The following SLIT1 variants were observed in gnomAD, a reference collection of about 807,000 sequenced individuals.
SLIT1 encodes the protein slit homolog 1 protein.
SLIT1 carries 66 observed loss-of-function variants against 186.1 expected under a neutral mutation model. The ratio of observed to expected loss-of-function variants is 0.35; its 90% confidence interval spans 0.29 to 0.44. SLIT1 has a LOEUF of 0.44. Ranked by LOEUF, SLIT1 falls within the 20% of genes least tolerant of loss-of-function variation. The pLI, the probability that SLIT1 is intolerant of heterozygous loss-of-function variation, is 1.00. For missense variants in SLIT1, 1,638 were observed against 2,037.4 expected (o/e 0.80, Z 3.77); for synonymous variants, 761 against 833.8 (o/e 0.91, Z 1.50).
intron 4 of SLIT1, among the ~76,000 whole-genome samples, chr10:97,070,633 A>T (rs750556785): frequency 6.6e-6 from 1 of 152,164 alleles, no homozygotes; most frequent in Non-Finnish European, 1.5e-5. Flanking sequence ...TGCCCTTATG[A>T]AAGAGACCGC....
At chr10:97,037,790 T>A in intron 21 of SLIT1, 24 bp from the exon 22 acceptor site, 1 of 1,588,004 alleles carries the variant, frequency 6.3e-7, no homozygotes, top group South Asian at 1.1e-5. Flanking sequence ...ACAGCGGCGT[T>A]AGTGCCCATC....
chr10:97,122,699 C>T (rs184830048), intron 4 of SLIT1, among the ~76,000 whole-genome samples: 4 of 152,290 alleles, frequency 2.6e-5, no homozygotes, highest in Admixed American at 2.6e-4. Flanking sequence ...AGCATCAGGG[C>T]AGCCCTTGTA....
At chr10:97,122,584 G>A (rs1849569141) in intron 4 of SLIT1, among the ~76,000 whole-genome samples, 1 of 152,190 alleles carries the variant, frequency 6.6e-6, no homozygotes, top group African/African-American at 2.4e-5. Flanking sequence ...TGTTACACAA[G>A]TGCATGTGCA....
intron 4 of SLIT1, among the ~76,000 whole-genome samples, chr10:97,129,579 T>C (rs1849634880): frequency 6.6e-6 from 1 of 152,134 alleles, no homozygotes; most frequent in Non-Finnish European, 1.5e-5. Context: ...GAATCGAAAC[T>C]GCAGAATGGC....
intron 4 of SLIT1, among the ~76,000 whole-genome samples, chr10:97,083,061 G>A (rs1849121420): frequency 6.6e-6 from 1 of 151,990 alleles, no homozygotes; most frequent in African/African-American, 2.4e-5. Context: ...CTAGGACTCT[G>A]GGCACACCCC....
chr10:97,158,717 A>G (rs1215865531), intron 3 of SLIT1, among the ~76,000 whole-genome samples: 3 of 150,814 alleles, frequency 2.0e-5, no homozygotes, highest in African/African-American at 7.3e-5. Flanking sequence ...TTTATCATTA[A>G]TAAAAATGCA....
At chr10:97,176,696 A>C (rs1399625163) in intron 1 of SLIT1, among the ~76,000 whole-genome samples, 45 of 151,970 alleles carry the variant, frequency 3.0e-4, no homozygotes, top group East Asian at 3.9e-4. Context: ...CACACTGCTA[A>C]CCCTCCTCCT....
intron 32 of SLIT1, among the ~76,000 whole-genome samples, chr10:97,005,273 A>G (rs1057501692): frequency 1.3e-5 from 2 of 152,236 alleles, no homozygotes; most frequent in Non-Finnish European, 2.9e-5. Flanking sequence ...ATCCAAGCCT[A>G]GTGGAAGGAG....
rs887272343 is a variant in SLIT1, at chr10:97,136,816, C to T, written c.413+21002G>A. Reference sequence around the variant, plus strand: ...ATGAGACATGCCTGGGGGCAGTGGCCGGGTCACCAGGAACACCTCTCAACC... The same window carrying T: ...ATGAGACATGCCTGGGGGCAGTGGCTGGGTCACCAGGAACACCTCTCAACC... On this transcript the variant is annotated intron_variant, in intron 4 of 36. Transcript: ENST00000266058. 7.9e-5 allele frequency among the ~76,000 whole-genome samples: 12 copies of T among 152,280 alleles called. No homozygotes were observed. The South Asian group carries it at 2.3e-3, about 29-fold the overall frequency.
intron 4 of SLIT1, among the ~76,000 whole-genome samples, chr10:97,117,376 G>A (rs1222543076): frequency 6.6e-6 from 1 of 152,120 alleles, no homozygotes; most frequent in Admixed American, 6.5e-5. Context: ...TAACTTATTT[G>A]CTTGGAAAAT....
intron 5 of SLIT1, 122 bp downstream of exon 5, chr10:97,065,893 G>A: frequency 1.4e-6 from 1 of 710,862 alleles, no homozygotes; most frequent in Non-Finnish European, 2.5e-6. Context: ...CCAGCCCTCT[G>A]AGAGCCCAGG....
At chr10:97,025,329 A>C (rs990698186) in intron 25 of SLIT1, among the ~76,000 whole-genome samples, 1 of 152,172 alleles carries the variant, frequency 6.6e-6, no homozygotes, top group Non-Finnish European at 1.5e-5. Context: ...AACAAAAAAT[A>C]TGGGTACAAA....
rs946976685 is a variant in SLIT1 at position 97,022,799 on chromosome 10, G to C, written c.2583-1386C>G. Reference sequence around the variant, plus strand: ...AGTCACAGGGTCACCATGCTCAGGCGTGTAGCCTTCCAGGCCTTTCCCACA... The same window carrying C: ...AGTCACAGGGTCACCATGCTCAGGCCTGTAGCCTTCCAGGCCTTTCCCACA... On this transcript the variant is annotated intron_variant, in intron 25 of 36. Transcript: ENST00000266058. This position sits in a 1 kb window ranked among gnomAD's most constrained non-coding sequence, Gnocchi z 4.2. 5.3e-5 allele frequency among the ~76,000 whole-genome samples: 8 copies of C among 152,216 alleles called. No homozygotes were observed. Among genetic ancestry groups the C allele is most frequent in the Non-Finnish European group, 1.0e-4 (7 of 68,042 alleles).
intron 5 of SLIT1, chr10:97,065,765 C>A (rs1848938922): frequency 2.2e-6 from 1 of 462,912 alleles, no homozygotes; most frequent in Non-Finnish European, 4.0e-6. Context: ...TGATAACACG[C>A]TTCACCAGGT....
rs192611065 is a variant in SLIT1, at chr10:97,168,672, A to G, written c.198-3782T>C. 1.8e-4 allele frequency among the ~76,000 whole-genome samples: 27 copies of G among 152,362 alleles called. 1 individual carries two copies. Among genetic ancestry groups the G allele is most frequent in the Admixed American group, 1.5e-3 (23 of 15,298 alleles). On this transcript the variant is annotated intron_variant, in intron 1 of 36. Coordinates refer to ENST00000266058, the MANE Select transcript of SLIT1 (RefSeq NM_003061.3). ...CCCTGGGCTGTTTAGATATTGTCCA[A>G]TTATAAACAATATTGCATAAAGTTT... is the stretch of plus-strand genomic sequence containing the variant.
chr10:97,080,079 A>T (rs535185113), intron 4 of SLIT1, among the ~76,000 whole-genome samples: 1 of 152,358 alleles, frequency 6.6e-6, no homozygotes, highest in Non-Finnish European at 1.5e-5. Context: ...AGAAATATCA[A>T]ACAAAAGAGA....
rs961168406 is a variant in SLIT1 at position 96,998,493 on chromosome 10, G to A, written c.*2619C>T. The A allele has an allele frequency of 2.0e-5, 3 of 152,206 alleles. No individual in the cohort carries two copies. Among genetic ancestry groups the A allele is most frequent in the Non-Finnish European group, 4.4e-5 (3 of 68,054 alleles). The allele number at this position is 152,206 out of a possible 1,614,324, so 9.4% of individuals were successfully genotyped here. ...TATCTCTTCATGCCTAAAATGCAGA[G>A]CGAACTAGGGGTCTTCACAAAGGGG... On this transcript the variant is annotated 3_prime_UTR_variant, in exon 37 of 37. Coordinates refer to ENST00000266058, the MANE Select transcript of SLIT1 (RefSeq NM_003061.3).
intron 34 of SLIT1, among the ~76,000 whole-genome samples, 172 bp downstream of exon 34, chr10:97,003,896 A>G (rs908426829): frequency 6.6e-6 from 1 of 152,194 alleles, no homozygotes; most frequent in Non-Finnish European, 1.5e-5. Context: ...AGTCTGGGCT[A>G]GGCAGAGAGC....
chr10:97,131,915 C>T (rs944213523), intron 4 of SLIT1, among the ~76,000 whole-genome samples: 1 of 152,224 alleles, frequency 6.6e-6, no homozygotes, highest in Non-Finnish European at 1.5e-5. Flanking sequence ...GGTTAGGCAA[C>T]GTGCCCATGT....
Sources: allele counts gnomAD v4.1 joint callset (sites outside exome capture counted in the v4.1 genomes callset), GRCh38; gene constraint gnomAD v4.1.1; non-coding constraint Gnocchi (gnomAD v3.1); transcripts MANE v1.5; gene names NCBI Gene and HGNC (gene_info 2026-07-23, HGNC 2026-07-21).